WDR81: variants seen among roughly 807,000 people sequenced by gnomAD.
The protein encoded by WDR81 is WD repeat-containing protein 81.
WDR81 carries 92 observed loss-of-function variants against 140.8 expected under a neutral mutation model. The ratio of observed to expected loss-of-function variants is 0.65; its 90% CI spans 0.55 to 0.78. WDR81 has a LOEUF of 0.78. Ranked by LOEUF, WDR81 falls within the 30% of genes least tolerant of loss-of-function variation. The pLI, the probability that WDR81 is intolerant of heterozygous loss-of-function variation, is 0.00. For synonymous variants in WDR81, 1,183 were observed against 1,156.4 expected, an observed-to-expected ratio of 1.02 and a Z score of -0.47; for missense variants, 2,502 against 2,636.4, an observed-to-expected ratio of 0.95 and a Z score of 1.12.
Position 1,735,610 on chromosome 17 carries a change from G to T in WDR81, c.5218G>T (p.Val1740Leu). 6.2e-7 allele frequency: 1 copy of T among 1,612,632 alleles called. No homozygotes were observed. The highest frequency in any genetic ancestry group is 8.5e-7 in the Non-Finnish European group (1 of 1,179,896). ...LRTVEPLDSR[V>L]PLTAVAVMPA... ...CACAGTGGAGCCGCTGGACAGCCGG[G>T]TGCCCCTGACTGCGGTGGCTGTCAT... Residue 1740 changes from valine (V) to leucine (L), a missense_variant, in exon 8 of 10, where the codon GTG (valine) becomes TTG (leucine). Physicochemically the swap from Val to Leu is conservative, Grantham distance 32 (BLOSUM62 1). This residue lies in a region of WDR81 where 1,737 missense variants were observed against 1,843.0 expected (regional missense o/e 0.94). Transcript: ENST00000409644. This position sits in a 1 kb window ranked among gnomAD's most constrained non-coding sequence, Gnocchi z 4.2.
At position 1,735,466 on chromosome 17, in the gene WDR81, C is replaced by T. The variant is rs1448342018; in HGVS notation, c.5180-106C>T. 8.5e-6 allele frequency: 10 copies of T among 1,177,188 alleles called. No homozygotes were observed. Among genetic ancestry groups the T allele is most frequent in the African/African-American group, 1.6e-5 (1 of 62,644 alleles). 72.9% of individuals were successfully genotyped at this position (1,177,188 alleles called of 1,614,324 possible). ...ACATCTTTAGCATTTTCTAAGGATC[C>T]CTGGGGGACGGGAGGCAGGTGTGCG... On this transcript the variant is annotated intron_variant, in intron 7 of 9. Coordinates refer to ENST00000409644, the MANE Select transcript of WDR81 (RefSeq NM_001163809.2). The surrounding 1 kb of genome is among the most constrained non-coding windows in gnomAD (Gnocchi z 4.2).
Position 1,725,679 on chromosome 17 carries a change from C to G in WDR81, c.720C>G (p.Phe240Leu), listed in dbSNP as rs1177263111. The change falls in exon 1 of 10, where the codon TTC becomes TTG. Residue 240 changes from phenylalanine to leucine, a missense_variant. Phe to Leu is a conservative substitution (Grantham distance 22). This residue lies in a region of WDR81 where 547 missense variants were observed against 513.8 expected (regional missense o/e 1.06). Coordinates refer to ENST00000409644, the MANE Select transcript of WDR81 (RefSeq NM_001163809.2). ...MLYVVHPYVQ[F>L]SLHDVVTFSP... The stretch of plus-strand genomic sequence containing the variant: ...ATGTGGTACACCCTTACGTACAGTT[C>G]TCCCTACATGACGTGGTCACCTTCA... 6.5e-7 allele frequency: 1 copy of G among 1,548,636 alleles called. No homozygotes were observed. The highest frequency in any genetic ancestry group is 1.2e-5 in the South Asian group (1 of 84,062).
Position 1,725,828 on chromosome 17 carries a change from C to G in WDR81, c.869C>G (p.Ala290Gly). Residue 290 changes from alanine (A) to glycine (G), a missense_variant, in exon 1 of 10, where the codon GCA (alanine) becomes GGA (glycine). Physicochemically the swap from Ala to Gly is moderately conservative, Grantham distance 60. This residue lies in a region of WDR81 where 547 missense variants were observed against 513.8 expected (regional missense o/e 1.06). Coordinates refer to ENST00000409644, the MANE Select transcript of WDR81 (RefSeq NM_001163809.2). ...GGGGCCCTGTCTTTGTATCACATCG[C>G]AGTGGATGAGAAGCTTTGCAGCGAG... ...ACGALSLYHI[A>G]VDEKLCSELR... 1 of 1,550,728 alleles carries G rather than the reference C, an allele frequency of 6.4e-7. No homozygotes were observed. The highest frequency in any genetic ancestry group is 2.4e-5 in the East Asian group (1 of 40,912).
In WDR81 at chr17:1,726,121, G is replaced by A. The variant is rs1449726178; in HGVS notation, c.1162G>A (p.Asp388Asn). Residue 388 changes from aspartate (D) to asparagine (N), a missense_variant, in exon 1 of 10, where the codon GAC becomes AAC. Transcript: ENST00000409644. Reference sequence around the variant, plus strand: ...CCACCCCGTGCTGCCCTGGGTGGTGGACTTCACTACGCCCCATGGGCGCTT... The same window carrying A: ...CCACCCCGTGCTGCCCTGGGTGGTGAACTTCACTACGCCCCATGGGCGCTT... The part of the protein sequence containing the change: ...NYHPVLPWVV[D>N]FTTPHGRFRD... The A allele has an allele frequency of 2.6e-6, 4 of 1,543,328 alleles. No individual in the cohort carries two copies. The highest frequency in any genetic ancestry group is 2.0e-5 in the Admixed American group (1 of 50,496).
chr17:1,723,517 G>T (rs913516598), upstream of WDR81, among the ~76,000 whole-genome samples: 4 of 132,920 alleles, frequency 3.0e-5, no homozygotes, highest in Admixed American at 3.2e-4. Context: ...ACGGAGTCTC[G>T]CTCTGTTGCC....
At position 1,731,334 on chromosome 17, in the gene WDR81, G is replaced by A. The variant is rs908855470; in HGVS notation, c.4157+76G>A. The A allele has an allele frequency of 8.0e-6, 12 of 1,502,264 alleles. No homozygotes were observed. The Admixed American group carries it at 1.2e-4, about 16-fold the overall frequency. 93.1% of individuals were successfully genotyped at this position (1,502,264 alleles called of 1,614,324 possible). A position where few individuals can be genotyped will look rare whatever the true frequency, so the allele number is the denominator to read the frequency against. ...GCCCAGGAGGGGGTGGGAAGCTCAG[G>A]GGAGAGGACGTAACACTGGACTGGG... On this transcript the variant is annotated intron_variant, in intron 4 of 9. Coordinates refer to ENST00000409644, the MANE Select transcript of WDR81 (RefSeq NM_001163809.2).
Position 1,726,942 on chromosome 17 carries a change from G to A in WDR81, c.1983G>A (p.Gln661=). The part of the protein sequence containing the change: ...RPVAGEDDLE[Q]ATEALDSISL... ...TGGCAGGAGAAGACGACTTGGAACA[G>A]GCCACAGAAGCTCTGGATTCCATTT... is the stretch of plus-strand genomic sequence containing the variant. Residue 661 remains glutamine (Q), a synonymous_variant, in exon 1 of 10, where the codon CAG becomes CAA. Coordinates refer to ENST00000409644, the MANE Select transcript of WDR81 (RefSeq NM_001163809.2). 6.4e-7 allele frequency: 1 copy of A among 1,550,442 alleles called. No individual in the cohort carries two copies. Among genetic ancestry groups the A allele is most frequent in the Non-Finnish European group, 8.7e-7 (1 of 1,146,978 alleles).
At position 1,726,755 on chromosome 17, in the gene WDR81, C is replaced by G. The variant is rs1486085175; in HGVS notation, c.1796C>G (p.Ala599Gly). 6.5e-7 allele frequency: 1 copy of G among 1,547,508 alleles called. No individual in the cohort carries two copies. Among genetic ancestry groups the G allele is most frequent in the South Asian group, 1.2e-5 (1 of 83,998 alleles). Residue 599 changes from alanine (A) to glycine (G), a missense_variant, in exon 1 of 10, where the codon GCC becomes GGC. By Grantham distance (60) the Ala-to-Gly change is moderately conservative. Coordinates refer to ENST00000409644, the MANE Select transcript of WDR81 (RefSeq NM_001163809.2). The part of the protein sequence containing the change: ...PQRLAGAPAL[A>G]PEPPLIPKLL... ...CGCCTGGCTGGGGCTCCTGCCCTTG[C>G]CCCCGAGCCTCCCCTCATCCCCAAG...
chr17:1,724,546 C>A (rs1915076550), upstream of WDR81: 3 of 987,412 alleles, frequency 3.0e-6, no homozygotes, highest in Non-Finnish European at 3.6e-6. Flanking sequence ...TGGCTGGAGA[C>A]CCTTTCAGCC....
rs1340629576 is a variant in WDR81, at chr17:1,727,946, G to T, written c.2987G>T (p.Gly996Val). The change falls in exon 1 of 10, where the codon GGC becomes GTC. Residue 996 changes from glycine to valine, a missense_variant. This residue lies in a region of WDR81 where 1,737 missense variants were observed against 1,843.0 expected (regional missense o/e 0.94). Coordinates refer to ENST00000409644, the MANE Select transcript of WDR81 (RefSeq NM_001163809.2). ...GTGGCCCAGCTGATGGTGCGGCTGG[G>T]CCTGCAGGCATTTCTCACTCACCTG... ...CFVAQLMVRL[G>V]LQAFLTHLLP... 1 of 1,550,364 alleles carries T rather than the reference G, an allele frequency of 6.5e-7. No homozygotes were observed. The highest frequency in any genetic ancestry group is 1.2e-5 in the South Asian group (1 of 84,068).
chr17:1,729,196 T>C (rs1473806391), intron 1 of WDR81, among the ~76,000 whole-genome samples: 1 of 151,488 alleles, frequency 6.6e-6, no homozygotes, highest in Non-Finnish European at 1.5e-5. Flanking sequence ...ATGGAGCTTT[T>C]CGGCCGGGCG....
At chr17:1,720,164 C>T (rs573076485), upstream of WDR81, among the ~76,000 whole-genome samples, 13 of 152,304 alleles carry the variant, frequency 8.5e-5, no homozygotes, top group South Asian at 8.3e-4. Flanking sequence ...GAGCTGACCC[C>T]GCTCAACATG....
At position 1,727,934 on chromosome 17, in the gene WDR81, T is replaced by A; in HGVS notation, c.2975T>A (p.Met992Lys). 1 of 1,550,536 alleles carries A rather than the reference T, an allele frequency of 6.4e-7. No individual in the cohort carries two copies. The highest frequency in any genetic ancestry group is 8.7e-7 in the Non-Finnish European group (1 of 1,147,022). The part of the protein sequence containing the change: ...LYTDCFVAQL[M>K]VRLGLQAFLT... ...ACGGACTGCTTTGTGGCCCAGCTGA[T>A]GGTGCGGCTGGGCCTGCAGGCATTT... Residue 992 changes from methionine to lysine, a missense_variant, in exon 1 of 10, where the codon ATG (methionine) becomes AAG (lysine). Physicochemically the swap from Met to Lys is moderately conservative, Grantham distance 95. Transcript: ENST00000409644.
chr17:1,718,773 A>C (rs1469385830), intron 1 of WDR81, among the ~76,000 whole-genome samples: 2 of 152,192 alleles, frequency 1.3e-5, no homozygotes. Context: ...ATTCTCCATT[A>C]TCCTGAGCAT....
intron 9 of WDR81, among the ~76,000 whole-genome samples, chr17:1,736,619 C>T (rs1351306024): frequency 6.6e-6 from 1 of 152,202 alleles, no homozygotes; most frequent in African/African-American, 2.4e-5. Context: ...CTGTAGACCG[C>T]TGAGCAGAGT....
At chr17:1,732,600 G>T in intron 5 of WDR81, 66 bp from the exon 6 acceptor site, 1 of 1,570,874 alleles carries the variant, frequency 6.4e-7, no homozygotes, top group Non-Finnish European at 8.6e-7. Context: ...GGGCCGTGGC[G>T]AGGACCAGGG....
rs780051043 is a variant in WDR81 at position 1,733,857 on chromosome 17, C to T, written c.4820C>T (p.Pro1607Leu). ...SDDNALKQEL[P>L]RSVHGLSGNW... is the part of the protein sequence containing the mutation. ...GACAACGCCCTGAAGCAGGAGCTGCCGCGGAGCGTGCACGGGCTGAGCGGA... is the reference window on the plus strand; with the variant it reads ...GACAACGCCCTGAAGCAGGAGCTGCTGCGGAGCGTGCACGGGCTGAGCGGA... The change falls in exon 7 of 10, where the codon CCG (proline) becomes CTG (leucine). Residue 1607 changes from proline (P) to leucine (L), a missense_variant. Physicochemically the swap from Pro to Leu is moderately conservative, Grantham distance 98 (BLOSUM62 -3). Around this residue, in one of 3 missense-constraint regions of WDR81, gnomAD observed 1,737 missense variants for 1,843.0 expected, o/e 0.94. Coordinates refer to ENST00000409644, the MANE Select transcript of WDR81 (RefSeq NM_001163809.2). The T allele has an allele frequency of 1.8e-5, 29 of 1,612,624 alleles. No homozygotes were observed. Among genetic ancestry groups the T allele is most frequent in the Middle Eastern group, 1.6e-4 (1 of 6,084 alleles).
upstream of WDR81, among the ~76,000 whole-genome samples, chr17:1,721,834 A>T (rs2151156817): frequency 6.6e-6 from 1 of 151,292 alleles, no homozygotes; most frequent in Non-Finnish European, 1.5e-5. Flanking sequence ...AAAAAAAAAA[A>T]AAAATCAGGC....
intron 1 of WDR81, among the ~76,000 whole-genome samples, chr17:1,729,208 C>T (rs1042756959): frequency 6.6e-5 from 10 of 151,728 alleles, no homozygotes; most frequent in African/African-American, 1.2e-4. Context: ...GGCCGGGCGC[C>T]GTGGCTCACG....
Sources: allele counts gnomAD v4.1 joint callset (sites outside exome capture counted in the v4.1 genomes callset), GRCh38; gene constraint gnomAD v4.1.1; regional missense constraint gnomAD v4.1.1; non-coding constraint Gnocchi (gnomAD v3.1); transcripts MANE v1.5; gene names NCBI Gene and HGNC (gene_info 2026-07-23, HGNC 2026-07-21).